Variants in IL1RAPL2 observed in about 807,000 individuals in gnomAD.
The protein encoded by IL1RAPL2 is X-linked interleukin-1 receptor accessory protein-like 2.
A neutral mutation model predicts 44.1 loss-of-function variants in IL1RAPL2; 3 were observed. The observed-to-expected ratio is 0.07, with a 90% confidence interval of 0.03 to 0.18. The LOEUF is 0.18. Among genes scored for constraint, IL1RAPL2 ranks in the 10% least tolerant of loss-of-function variants. The probability of loss-of-function intolerance (pLI) is 1.00; values close to 1 mark genes in which losing one functional copy is unlikely to be tolerated. For missense variants in IL1RAPL2, 391 were observed against 496.4 expected, an observed-to-expected ratio of 0.79 and a Z score of 2.02; for synonymous variants, 181 against 178.8, an observed-to-expected ratio of 1.01 and a Z score of -0.10.
chrX:105,654,036 A>G (rs1270227361), intron 6 of IL1RAPL2, among the ~76,000 whole-genome samples: 3 of 110,947 alleles, frequency 2.7e-5, no homozygotes, highest in Non-Finnish European at 3.8e-5. Flanking sequence ...TACAAGTAAC[A>G]TACTTCAAAA....
At chrX:104,649,013 C>A (rs190965524) in intron 1 of IL1RAPL2, among the ~76,000 whole-genome samples, 4 of 111,422 alleles carry the variant, frequency 3.6e-5, no homozygotes, top group Non-Finnish European at 7.5e-5. Flanking sequence ...TTATCTATTC[C>A]CCTTTTTTGC....
At chrX:105,736,526 CA>C (rs1205932865) in intron 7 of IL1RAPL2, among the ~76,000 whole-genome samples, 45 of 102,046 alleles carry the variant, frequency 4.4e-4, no homozygotes, top group East Asian at 1.2e-3. Flanking sequence ...AAATTAAAAA[CA>C]AAAAAAAAAC....
chrX:104,833,087 T>C (rs1482567756), intron 2 of IL1RAPL2, among the ~76,000 whole-genome samples: 1 of 112,226 alleles, frequency 8.9e-6, no homozygotes, highest in African/African-American at 3.2e-5. Flanking sequence ...TTCATCGTCA[T>C]CTGCATTAAA....
chrX:105,667,376 C>A (rs1415687882), intron 6 of IL1RAPL2, among the ~76,000 whole-genome samples: 1 of 112,168 alleles, frequency 8.9e-6, no homozygotes, highest in African/African-American at 3.2e-5. Context: ...GTCTTCACTT[C>A]TTTGTAAATG....
At chrX:105,519,357 C>T (rs1461157473) in intron 6 of IL1RAPL2, among the ~76,000 whole-genome samples, 2 of 111,656 alleles carry the variant, frequency 1.8e-5, no homozygotes, top group South Asian at 7.5e-4. Flanking sequence ...TGCTTCACCA[C>T]CTCCTCGAAG....
chrX:104,895,060 G>A (rs967385407), intron 2 of IL1RAPL2, among the ~76,000 whole-genome samples: 2 of 112,544 alleles, frequency 1.8e-5, no homozygotes, highest in African/African-American at 6.5e-5. Flanking sequence ...ACTCCAGACT[G>A]TGTTTTCCTG....
chrX:104,625,053 A>G (rs1402185454), intron 1 of IL1RAPL2, among the ~76,000 whole-genome samples: 1 of 111,720 alleles, frequency 9.0e-6, no homozygotes, highest in Non-Finnish European at 1.9e-5. Flanking sequence ...AATCTATTGG[A>G]AAATACTTTT....
At position 105,162,017 on chromosome X, in the gene IL1RAPL2, G is replaced by GT. The variant is rs754780347; in HGVS notation, c.83-33453dup. 4.6e-3 allele frequency among the ~76,000 whole-genome samples: 520 copies of GT among 111,986 alleles called. 6 individuals are homozygous for GT. The highest frequency in any genetic ancestry group is 0.016 in the African/African-American group (478 of 30,803). On this transcript the variant is annotated intron_variant, in intron 2 of 10. Coordinates refer to ENST00000372582, the MANE Select transcript of IL1RAPL2 (RefSeq NM_017416.2). Reference sequence around the variant, plus strand: ...TTCTTAGCCCAGGAATAAATGTCTAGTTTTTCAACCCAGTCTATGCCCACT... The same window carrying GT: ...TTCTTAGCCCAGGAATAAATGTCTAGTTTTTTCAACCCAGTCTATGCCCACT...
intron 2 of IL1RAPL2, among the ~76,000 whole-genome samples, chrX:104,799,777 C>G (rs756521228): frequency 9.0e-6 from 1 of 111,480 alleles, no homozygotes; most frequent in South Asian, 3.8e-4. Context: ...TTCAGTCAAG[C>G]TAATTAACAT....
At chrX:104,947,630 C>CA (rs1925421139) in intron 2 of IL1RAPL2, among the ~76,000 whole-genome samples, 1 of 105,587 alleles carries the variant, frequency 9.5e-6, no homozygotes, top group Admixed American at 1.0e-4. Context: ...CAGCTTTCTA[C>CA]ATATGGCTAG....
chrX:105,059,489 T>G (rs1771495066), intron 2 of IL1RAPL2, among the ~76,000 whole-genome samples: 1 of 112,406 alleles, frequency 8.9e-6, no homozygotes, highest in African/African-American at 3.2e-5. Context: ...ATTACTTCAT[T>G]CTGTAGATGT....
intron 2 of IL1RAPL2, among the ~76,000 whole-genome samples, chrX:104,663,859 G>A (rs1473778121): frequency 9.3e-6 from 1 of 108,031 alleles, no homozygotes; most frequent in Non-Finnish European, 1.9e-5. Flanking sequence ...AAGTTGAAGG[G>A]GAAATAATTT....
chrX:105,221,768 T>G (rs2033966966), intron 3 of IL1RAPL2, among the ~76,000 whole-genome samples: 1 of 111,987 alleles, frequency 8.9e-6, no homozygotes, highest in Non-Finnish European at 1.9e-5. Flanking sequence ...CTCTTGCTTA[T>G]TTTAATATAT....
At chrX:104,893,464 G>A (rs993487861) in intron 2 of IL1RAPL2, among the ~76,000 whole-genome samples, 1 of 111,258 alleles carries the variant, frequency 9.0e-6, no homozygotes, top group African/African-American at 3.3e-5. Flanking sequence ...TATGAATCTG[G>A]GTGCTCCTGT....
intron 6 of IL1RAPL2, among the ~76,000 whole-genome samples, chrX:105,486,129 C>T (rs767483571): frequency 7.9e-4 from 88 of 111,692 alleles, no homozygotes; most frequent in African/African-American, 2.7e-3. Flanking sequence ...TTTGTTATTG[C>T]CTCTCTTTTG....
intron 3 of IL1RAPL2, among the ~76,000 whole-genome samples, chrX:105,196,721 C>G (rs921578297): frequency 9.0e-6 from 1 of 111,119 alleles, no homozygotes; most frequent in African/African-American, 3.3e-5. Flanking sequence ...TCTCCCTTCC[C>G]CCTCTACCCC....
At chrX:105,721,322 G>A (rs948696080) in intron 7 of IL1RAPL2, among the ~76,000 whole-genome samples, 2 of 110,167 alleles carry the variant, frequency 1.8e-5, no homozygotes, top group East Asian at 2.9e-4. Context: ...AGGCTAAGAC[G>A]GGAGAATTGC....
intron 1 of IL1RAPL2, among the ~76,000 whole-genome samples, chrX:104,604,174 T>G (rs765064544): frequency 4.5e-5 from 5 of 111,757 alleles, no homozygotes; most frequent in African/African-American, 1.6e-4. Flanking sequence ...AGAAAATAAA[T>G]TTCAACCCAG....
At chrX:104,736,734 A>T (rs1932019536) in intron 2 of IL1RAPL2, among the ~76,000 whole-genome samples, 1 of 112,136 alleles carries the variant, frequency 8.9e-6, no homozygotes. Flanking sequence ...TTCTGACCAA[A>T]TTTTTGCCAA....
Sources: allele counts gnomAD v4.1 joint callset (sites outside exome capture counted in the v4.1 genomes callset), GRCh38; gene constraint gnomAD v4.1.1; transcripts MANE v1.5; gene names NCBI Gene and HGNC (gene_info 2026-07-23, HGNC 2026-07-21).